The following ZDHHC22 variants were observed in gnomAD, a reference collection of about 807,000 sequenced individuals.
ZDHHC22 encodes the protein zDHHC palmitoyltransferase 22.
ZDHHC22 carries 13 observed loss-of-function variants against 17.0 expected under a neutral mutation model. That is an observed-to-expected ratio of 0.76 (90% confidence interval 0.50 to 1.21). ZDHHC22 has a LOEUF of 1.21. Among genes scored for constraint, ZDHHC22 ranks in the 50% most tolerant of loss-of-function variants. ZDHHC22 has a pLI of 0.00. For synonymous variants in ZDHHC22, 138 were observed against 154.7 expected (o/e 0.89, Z 0.80); for missense variants, 319 against 342.3 (o/e 0.93, Z 0.54).
In ZDHHC22 at chr14:77,140,014, CAG is replaced by C. The variant is rs1267743966; in HGVS notation, c.-14-264_-14-263del. 6.6e-6 allele frequency among the ~76,000 whole-genome samples: 1 copy of C among 152,112 alleles called. No homozygotes were observed. Among genetic ancestry groups the C allele is most frequent in the East Asian group, 1.9e-4 (1 of 5,188 alleles). On this transcript the variant is annotated intron_variant, in intron 1 of 2. Transcript: ENST00000319374. This position sits in a 1 kb window ranked among gnomAD's most constrained non-coding sequence, Gnocchi z 5.9. ...GAGCGAGCTCGGCGCCTTGGCGCGG[CAG>C]AGTCTGGCACAGGAGGGAGGGACTC...
At chr14:77,136,869 C>T (rs1037858309) in intron 2 of ZDHHC22, among the ~76,000 whole-genome samples, 13 of 152,182 alleles carry the variant, frequency 8.5e-5, no homozygotes, top group African/African-American at 3.1e-4. Flanking sequence ...CTCTTGGGCT[C>T]AAGCAATTCT....
intron 2 of ZDHHC22, among the ~76,000 whole-genome samples, chr14:77,134,868 G>A (rs1325636404): frequency 1.3e-5 from 2 of 152,118 alleles, no homozygotes; most frequent in African/African-American, 4.8e-5. Context: ...TAACACTAAC[G>A]ATTTCATACA....
chr14:77,134,181 A>G (rs996446802), intron 2 of ZDHHC22, among the ~76,000 whole-genome samples: 15 of 152,218 alleles, frequency 9.9e-5, no homozygotes, highest in African/African-American at 3.4e-4. Context: ...GACTGGAGAC[A>G]TGGCAGAGAA....
rs756872392 is a variant in ZDHHC22 at position 77,133,882 on chromosome 14, G to A, written c.593C>T (p.Ala198Val). Residue 198 changes from alanine to valine, a missense_variant, in exon 3 of 3, where the codon GCC becomes GTC. Physicochemically the swap from Ala to Val is moderately conservative, Grantham distance 64. Coordinates refer to ENST00000319374, the MANE Select transcript of ZDHHC22 (RefSeq NM_174976.2). ...CTGGTGGCAGCAGAAGCCGGCGCAG[G>A]CCAGGCCGATGGCGAACCAGAGGTA... ...MLYLWFAIGL[A>V]CAGFCCHQLL... The A allele has an allele frequency of 3.7e-6, 6 of 1,611,842 alleles. No individual in the cohort carries two copies. The highest frequency in any genetic ancestry group is 5.1e-6 in the Non-Finnish European group (6 of 1,178,942).
At chr14:77,141,159 G>T (rs893158138) in intron 1 of ZDHHC22, 2 of 152,192 alleles carry the variant, frequency 1.3e-5, no homozygotes, top group Non-Finnish European at 2.9e-5. Flanking sequence ...CACGCCCCCA[G>T]TCCTGCGCCG....
At chr14:77,136,246 GTTTGGAA>G (rs72486484) in intron 2 of ZDHHC22, among the ~76,000 whole-genome samples, 35,884 of 151,974 alleles carry the variant, frequency 0.24, 4,362 homozygotes, top group Admixed American at 0.31. Flanking sequence ...CCAAATCTTG[GTTTGGAA>G]TCGTACCAGC....
chr14:77,133,492 G>T lies in ZDHHC22; in HGVS notation c.*191C>A. ...GCTCGTGAGGAGCCTAGAAATGCCT[G>T]GGGGGACATTTTTCCTCCTTGTCAT... is the stretch of plus-strand genomic sequence containing the variant. On this transcript the variant is annotated 3_prime_UTR_variant, in exon 3 of 3. Transcript: ENST00000319374. The T allele has an allele frequency of 2.6e-6, 2 of 783,330 alleles. No individual in the cohort carries two copies. The highest frequency in any genetic ancestry group is 5.9e-5 in the East Asian group (2 of 34,156). 48.5% of individuals were successfully genotyped at this position (783,330 alleles called of 1,614,324 possible).
At position 77,139,261 on chromosome 14, in the gene ZDHHC22, AG is replaced by A; in HGVS notation, c.477del (p.Leu160TrpfsTer50). 6.3e-7 allele frequency: 1 copy of A among 1,594,824 alleles called. No homozygotes were observed. Among genetic ancestry groups the A allele is most frequent in the Non-Finnish European group, 8.5e-7 (1 of 1,170,904 alleles). On this transcript the variant is annotated frameshift_variant, in exon 2 of 3. Coordinates refer to ENST00000319374, the MANE Select transcript of ZDHHC22 (RefSeq NM_174976.2). LOFTEE classifies it high-confidence loss of function. Reference sequence around the variant, plus strand: ...GTGGGCAGGAGCGTGAGGAAGGCCAAGGGGTGGGCGAAGGAGATGGAAAGGA... The same window carrying A: ...GTGGGCAGGAGCGTGAGGAAGGCCAAGGGTGGGCGAAGGAGATGGAAAGGA... The part of the protein sequence containing the change: ...SAVLSISFAH[P>X]LAFLTLLPTS...
In ZDHHC22 at chr14:77,132,133, C is replaced by T. The variant is rs1566810362; in HGVS notation, c.*1550G>A. ...GGGGGCACTTGTGTTGTCCCTACTC[C>T]CTTATATGCCCCAGAGGTCTGGTCC... On this transcript the variant is annotated 3_prime_UTR_variant, in exon 3 of 3. Transcript: ENST00000319374. The T allele has an allele frequency of 6.6e-6, 1 of 152,284 alleles. No individual in the cohort carries two copies. Among genetic ancestry groups the T allele is most frequent in the Non-Finnish European group, 1.5e-5 (1 of 68,068 alleles). 9.4% of individuals were successfully genotyped at this position (152,284 alleles called of 1,614,324 possible).
rs182835649 is a variant in ZDHHC22 at position 77,132,876 on chromosome 14, T to G, written c.*807A>C. The G allele has an allele frequency of 6.8e-6, 1 of 146,358 alleles. No homozygotes were observed. The highest frequency in any genetic ancestry group is 6.9e-5 in the Admixed American group (1 of 14,522). The allele number at this position is 146,358 out of a possible 1,614,324, so 9.1% of individuals were successfully genotyped here. ...TATGGTTATACAGTCGAATATCCCC[T>G]TCATTTATCAGTAATTATCTTTCCC... On this transcript the variant is annotated 3_prime_UTR_variant, in exon 3 of 3. Transcript: ENST00000319374.
chr14:77,135,471 TTA>T (rs974362516), intron 2 of ZDHHC22, among the ~76,000 whole-genome samples: 4 of 135,952 alleles, frequency 2.9e-5, no homozygotes, highest in African/African-American at 1.1e-4. Context: ...GATAGCTGTA[TTA>T]TTTTTTTTTT....
rs371109158 is a variant in ZDHHC22 at position 77,133,850 on chromosome 14, A to G, written c.625T>C (p.Leu209=). ...TGGCGGGTCTGCCCGCGGAGGATCA[A>G]CAGCAGCTGGTGGCAGCAGAAGCCG... The part of the protein sequence containing the change: ...CAGFCCHQLL[L]ILRGQTRHQV... Residue 209 remains leucine, a synonymous_variant, in exon 3 of 3, where the codon TTG becomes CTG. Coordinates refer to ENST00000319374, the MANE Select transcript of ZDHHC22 (RefSeq NM_174976.2). 232 of 1,613,482 alleles carry G rather than the reference A, an allele frequency of 1.4e-4. 1 individual carries two copies. The highest frequency in any genetic ancestry group is 1.8e-4 in the Non-Finnish European group (211 of 1,179,792).
At chr14:77,135,746 G>A (rs754144181) in intron 2 of ZDHHC22, among the ~76,000 whole-genome samples, 15 of 152,340 alleles carry the variant, frequency 9.8e-5, no homozygotes, top group East Asian at 1.9e-4. Flanking sequence ...TCAAGCTTGG[G>A]CCTGCCTTGC....
Position 77,139,333 on chromosome 14 carries a change from C to A in ZDHHC22, c.406G>T (p.Ala136Ser). 1 of 1,599,936 alleles carries A rather than the reference C, an allele frequency of 6.3e-7. No homozygotes were observed. Residue 136 changes from alanine (A) to serine (S), a missense_variant, in exon 2 of 3, where the codon GCC becomes TCC. Physicochemically the swap from Ala to Ser is moderately conservative, Grantham distance 99. Transcript: ENST00000319374. ...FVLFCLYTSL[A>S]CLYSMVAGVA... is the part of the protein sequence containing the mutation. ...CCGGCCACCATGGAGTAGAGGCAGG[C>A]CAGGGAGGTGTAGAGGCAGAACAGG... is the stretch of plus-strand genomic sequence containing the variant.
chr14:77,131,518 A>G lies in ZDHHC22; in HGVS notation c.*2165T>C, dbSNP rs892378124. The G allele has an allele frequency of 3.3e-5, 5 of 152,226 alleles. No individual in the cohort carries two copies. The highest frequency in any genetic ancestry group is 5.9e-5 in the Non-Finnish European group (4 of 68,048). The allele number at this position is 152,226 out of a possible 1,614,324, so 9.4% of individuals were successfully genotyped here. ...TCTAAGCTTGAGCTCTGGAGCCAGG[A>G]AAGAGTCAAGGCCAAAATTGCCCAG... On this transcript the variant is annotated 3_prime_UTR_variant, in exon 3 of 3. Coordinates refer to ENST00000319374, the MANE Select transcript of ZDHHC22 (RefSeq NM_174976.2).
At chr14:77,137,537 G>A (rs1313152804) in intron 2 of ZDHHC22, among the ~76,000 whole-genome samples, 9 of 131,700 alleles carry the variant, frequency 6.8e-5, no homozygotes, top group Non-Finnish European at 1.3e-4. Flanking sequence ...CCACCCACTA[G>A]CCCACCCACC....
At chr14:77,134,242 A>G (rs977574607) in intron 2 of ZDHHC22, among the ~76,000 whole-genome samples, 4 of 152,198 alleles carry the variant, frequency 2.6e-5, no homozygotes, top group Non-Finnish European at 4.4e-5. Flanking sequence ...CTCCTGGGGC[A>G]GCACCTGGCC....
rs117171840 is a variant in ZDHHC22, at chr14:77,134,938, C to T, written c.527-990G>A. On this transcript the variant is annotated intron_variant, in intron 2 of 2. Coordinates refer to ENST00000319374, the MANE Select transcript of ZDHHC22 (RefSeq NM_174976.2). ...TCAGCATTCCGGTTCACACTCAGAG[C>T]GGTGCTCCCAGCAGAGGGTCATTTT... Among the ~76,000 whole-genome samples, 209 of 152,318 alleles carry T rather than the reference C, an allele frequency of 1.4e-3. 1 individual carries two copies. In the East Asian group the frequency reaches 0.024, roughly 18 times the overall value.
At chr14:77,139,159 TTGGGG>T in intron 2 of ZDHHC22, 49 bp downstream of exon 2, 1 of 1,513,468 alleles carries the variant, frequency 6.6e-7, no homozygotes, top group Non-Finnish European at 8.9e-7. Context: ...CCGGCAACCT[TTGGGG>T]TGGGAGGTCT....
Sources: gnomAD v4.1 joint callset for allele counts (sites outside exome capture counted in the v4.1 genomes callset) on GRCh38, gnomAD v4.1.1 for gene constraint, Gnocchi (gnomAD v3.1) non-coding constraint, MANE v1.5 for transcripts, NCBI Gene and HGNC (gene_info 2026-07-23, HGNC 2026-07-21) for gene names.